KIAA1217: variants seen among roughly 807,000 people sequenced by gnomAD.
KIAA1217 encodes the protein sickle tail protein homolog.
KIAA1217 carries 88 observed loss-of-function variants against 163.9 expected under a neutral mutation model. That is an observed-to-expected ratio of 0.54 (90% CI 0.45 to 0.64). The LOEUF is 0.64. Among genes scored for constraint, KIAA1217 ranks in the 30% least tolerant of loss-of-function variants. The pLI is 0.00. For synonymous variants in KIAA1217, 903 were observed against 923.1 expected (o/e 0.98, Z 0.39); for missense variants, 2,372 against 2,475.0 (o/e 0.96, Z 0.88).
intron 2 of KIAA1217, among the ~76,000 whole-genome samples, chr10:24,176,621 A>C (rs548808295): frequency 6.6e-6 from 1 of 152,368 alleles, no homozygotes; most frequent in Non-Finnish European, 1.5e-5. Flanking sequence ...TAGACATAAA[A>C]GTTCTCCAAG....
chr10:24,194,686 C>G (rs951574349), intron 2 of KIAA1217, among the ~76,000 whole-genome samples: 1 of 151,326 alleles, frequency 6.6e-6, no homozygotes, highest in Admixed American at 6.6e-5. Context: ...CAGGCTCAAG[C>G]GATCCTCCTG....
chr10:23,872,124 G>C (rs1487998195), intron 1 of KIAA1217, among the ~76,000 whole-genome samples: 1 of 152,108 alleles, frequency 6.6e-6, no homozygotes, highest in East Asian at 1.9e-4. Context: ...GGTATTGCAA[G>C]TATTTGTGGT....
chr10:24,294,563 T>C (rs1590696064), intron 2 of KIAA1217, among the ~76,000 whole-genome samples: 1 of 152,216 alleles, frequency 6.6e-6, no homozygotes, highest in South Asian at 2.1e-4. Flanking sequence ...TAGACCACCG[T>C]GTATGCATTT....
chr10:24,177,521 G>T (rs1281428246), intron 2 of KIAA1217, among the ~76,000 whole-genome samples: 1 of 151,120 alleles, frequency 6.6e-6, no homozygotes. Flanking sequence ...TTTTCCCCTG[G>T]ATACCCAGTA....
chr10:24,253,685 T>C (rs1022419929), intron 2 of KIAA1217, among the ~76,000 whole-genome samples: 42 of 151,476 alleles, frequency 2.8e-4, no homozygotes, highest in African/African-American at 1.0e-3. Flanking sequence ...TGAGCCAAGA[T>C]TGTGCCACTG....
chr10:23,757,089 G>A (rs1833956596), intron 1 of KIAA1217, among the ~76,000 whole-genome samples: 1 of 152,074 alleles, frequency 6.6e-6, no homozygotes, highest in African/African-American at 2.4e-5. Flanking sequence ...TCCATTGTAT[G>A]TGTAGATCAC....
chr10:24,194,008 G>A (rs971386191), intron 2 of KIAA1217, among the ~76,000 whole-genome samples: 5 of 151,904 alleles, frequency 3.3e-5, no homozygotes, highest in South Asian at 2.1e-4. Flanking sequence ...CCAACATGGC[G>A]AAACCCCATC....
chr10:24,149,658 A>C (rs960726209), intron 2 of KIAA1217, among the ~76,000 whole-genome samples: 2 of 152,186 alleles, frequency 1.3e-5, no homozygotes, highest in Non-Finnish European at 2.9e-5. Context: ...ACACAAATAC[A>C]CTTAGCTAGA....
At chr10:24,400,853 T>C (rs1015210249) in intron 3 of KIAA1217, among the ~76,000 whole-genome samples, 2 of 151,160 alleles carry the variant, frequency 1.3e-5, no homozygotes, top group Admixed American at 6.6e-5. Flanking sequence ...TAGAAAAAAA[T>C]TGGGGAAAGA....
At chr10:23,760,168 G>C (rs146173589) in intron 1 of KIAA1217, among the ~76,000 whole-genome samples, 64 of 152,348 alleles carry the variant, frequency 4.2e-4, no homozygotes, top group African/African-American at 1.4e-3. Flanking sequence ...AGTGTGAAGA[G>C]CTGAAAGTGC....
chr10:24,461,306 A>G (rs78198199), intron 5 of KIAA1217, among the ~76,000 whole-genome samples: 13,040 of 152,150 alleles, frequency 0.086, 681 homozygotes, highest in East Asian at 0.18. Context: ...TTAAACTGCA[A>G]TTGTAGAGCA....
Position 23,861,384 on chromosome 10 carries a change from G to A in KIAA1217, c.-320-145841G>A, listed in dbSNP as rs551179825. On this transcript the variant is annotated intron_variant, in intron 1 of 18. Transcript: ENST00000376462. ...AGTGGTTTTCTGAGCTATAAGCAGT[G>A]AGATAGGCAGAATGAACTCCAAAGA... 4.7e-4 allele frequency among the ~76,000 whole-genome samples: 72 copies of A among 152,344 alleles called. 1 individual carries two copies. Among genetic ancestry groups the A allele is most frequent in the African/African-American group, 1.6e-3 (68 of 41,574 alleles).
intron 2 of KIAA1217, among the ~76,000 whole-genome samples, chr10:24,351,247 C>T (rs1338616253): frequency 2.0e-5 from 3 of 152,202 alleles, no homozygotes; most frequent in African/African-American, 7.2e-5. Flanking sequence ...CATGCCTGGC[C>T]AGTGATTATG....
rs529227754 is a variant in KIAA1217 at position 24,144,898 on chromosome 10, G to A, written c.-170-74728G>A. On this transcript the variant is annotated intron_variant, in intron 2 of 18. Coordinates refer to the KIAA1217 transcript ENST00000376462. Reference sequence around the variant, plus strand: ...CCTCCCCTCACATTCTTGATAATTTGTATATCCTGCTTCTCTGTCCAGTTT... The same window carrying A: ...CCTCCCCTCACATTCTTGATAATTTATATATCCTGCTTCTCTGTCCAGTTT... Among the ~76,000 whole-genome samples, 3 of 152,138 alleles carry A rather than the reference G, an allele frequency of 2.0e-5. No individual in the cohort carries two copies. In the South Asian group the frequency reaches 6.2e-4, roughly 32 times the overall value.
chr10:24,279,711 T>G (rs1294902555), intron 2 of KIAA1217, among the ~76,000 whole-genome samples: 1 of 152,198 alleles, frequency 6.6e-6, no homozygotes, highest in African/African-American at 2.4e-5. Context: ...AGGTAATACA[T>G]TCAAAATAGA....
At chr10:24,273,754 G>T (rs1354354817) in intron 2 of KIAA1217, among the ~76,000 whole-genome samples, 1 of 151,314 alleles carries the variant, frequency 6.6e-6, no homozygotes, top group Non-Finnish European at 1.5e-5. Context: ...CGGGAGGCTT[G>T]AGGCTGGAGA....
chr10:23,707,564 A>T (rs551422722), intron 1 of KIAA1217, among the ~76,000 whole-genome samples: 1 of 152,270 alleles, frequency 6.6e-6, no homozygotes, highest in African/African-American at 2.4e-5. Flanking sequence ...AATAGTAGAC[A>T]CTGGAGGCTC....
rs564166005 is a variant in KIAA1217 at position 23,837,266 on chromosome 10, T to C, written c.-321+142032T>C. 1.5e-3 allele frequency among the ~76,000 whole-genome samples: 233 copies of C among 152,312 alleles called. 2 individuals are homozygous for C. In the South Asian group the frequency reaches 0.016, roughly 10 times the overall value. On this transcript the variant is annotated intron_variant, in intron 1 of 18. Transcript: ENST00000376462. ...TCAGGCCACCCATTCTGTGGCACTT[T>C]CTTATGATGGACCTAGCAAAGTAAT...
Position 24,528,037 on chromosome 10 carries a change from G to T in KIAA1217, c.3000G>T (p.Lys1000Asn). The change falls in exon 14 of 21, where the codon AAG (lysine) becomes AAT (asparagine). Residue 1000 changes from lysine to asparagine, a missense_variant. This residue lies in a region of KIAA1217 where 1,431 missense variants were observed against 1,470.3 expected (regional missense o/e 0.97). Coordinates refer to ENST00000376454, the MANE Select transcript of KIAA1217 (RefSeq NM_019590.5). ...AAGAAGCTCAGGCCAATATCATGAAGTCAATACCAAATCTGGAGATGCCGC... is the reference window on the plus strand; with the variant it reads ...AAGAAGCTCAGGCCAATATCATGAATTCAATACCAAATCTGGAGATGCCGC... ...LLEEAQANIM[K>N]SIPNLEMPPA... The T allele has an allele frequency of 6.2e-7, 1 of 1,614,156 alleles. No individual in the cohort carries two copies. Among genetic ancestry groups the T allele is most frequent in the Non-Finnish European group, 8.5e-7 (1 of 1,180,018 alleles).
Sources: allele counts gnomAD v4.1 joint callset (sites outside exome capture counted in the v4.1 genomes callset), GRCh38; gene constraint gnomAD v4.1.1; regional missense constraint gnomAD v4.1.1; transcripts MANE v1.5; gene names NCBI Gene and HGNC (gene_info 2026-07-23, HGNC 2026-07-21).